The following STX6 variants were observed in gnomAD, a reference collection of about 807,000 sequenced individuals.
The protein encoded by STX6 is syntaxin 6, also known as syntaxin-6.
Under a neutral mutation model 38.0 loss-of-function variants are expected in STX6, and 23 were observed. The ratio of observed to expected loss-of-function variants is 0.60; its 90% CI spans 0.43 to 0.86. The LOEUF is 0.86. Among genes scored for constraint, STX6 ranks in the 40% least tolerant of loss-of-function variants. The pLI is 0.00. For missense variants in STX6, 274 were observed against 312.9 expected (o/e 0.88, Z 0.94); for synonymous variants, 123 against 107.5 (o/e 1.14, Z -0.89).
At chr1:181,007,888 TGTA>T (rs1479822454) in intron 1 of STX6, among the ~76,000 whole-genome samples, 2 of 152,236 alleles carry the variant, frequency 1.3e-5, no homozygotes, top group Non-Finnish European at 2.9e-5. Context: ...ACAAAAAAAA[TGTA>T]GTGAGAATGG....
intron 7 of STX6, 44 bp from the exon 8 acceptor site, chr1:180,976,690 A>G (rs765537354): frequency 1.3e-6 from 2 of 1,557,262 alleles, no homozygotes; most frequent in South Asian, 1.1e-5. Flanking sequence ...GGGACTCCAC[A>G]TTCCCCAAGA....
chr1:181,020,095 G>A, intron 1 of STX6, among the ~76,000 whole-genome samples: 1 of 152,016 alleles, frequency 6.6e-6, no homozygotes, highest in East Asian at 1.9e-4. Context: ...CACACCTATA[G>A]TCCCAGCTAC....
At chr1:181,007,061 G>C (rs1656244793) in intron 1 of STX6, among the ~76,000 whole-genome samples, 1 of 152,110 alleles carries the variant, frequency 6.6e-6, no homozygotes, top group African/African-American at 2.4e-5. Context: ...ATGGGATCTG[G>C]GTGATTTAGT....
At chr1:180,992,610 A>T (rs1370096385) in intron 4 of STX6, among the ~76,000 whole-genome samples, 1 of 152,234 alleles carries the variant, frequency 6.6e-6, no homozygotes, top group East Asian at 1.9e-4. Context: ...CAAAAAAATT[A>T]CCTAACAGTT....
intron 7 of STX6, among the ~76,000 whole-genome samples, chr1:180,983,793 G>A (rs1414445930): frequency 5.3e-5 from 8 of 152,064 alleles, no homozygotes; most frequent in Admixed American, 3.3e-4. Flanking sequence ...GGCTGGGCGC[G>A]GTGGCTCACG....
intron 1 of STX6, among the ~76,000 whole-genome samples, chr1:181,020,263 C>G (rs2102337445): frequency 6.6e-6 from 1 of 152,142 alleles, no homozygotes; most frequent in South Asian, 2.1e-4. Context: ...TCAATTATTT[C>G]TGATGAAAAT....
intron 7 of STX6, among the ~76,000 whole-genome samples, chr1:180,984,438 CAGG>C (rs1382463865): frequency 3.3e-5 from 5 of 152,018 alleles, no homozygotes; most frequent in African/African-American, 1.2e-4. Flanking sequence ...CCCAGCTACT[CAGG>C]AGGTCAAGGC....
intron 5 of STX6, chr1:180,989,119 G>T (rs566405454): frequency 6.6e-6 from 1 of 152,084 alleles, no homozygotes; most frequent in Admixed American, 6.6e-5. Flanking sequence ...ACATATCAAA[G>T]GCATCAACAG....
At chr1:181,020,214 C>G (rs78049483) in intron 1 of STX6, among the ~76,000 whole-genome samples, 1 of 136,982 alleles carries the variant, frequency 7.3e-6, no homozygotes, top group Admixed American at 7.3e-5. Context: ...GACTCTGTCT[C>G]AAAAAAAAAA....
intron 1 of STX6, 118 bp from the exon 2 acceptor site, chr1:181,005,581 CA>C: frequency 1.1e-6 from 1 of 914,052 alleles, no homozygotes. Flanking sequence ...ACCATTCCCA[CA>C]GAAGGCTCTT....
chr1:180,976,725 C>A lies in STX6; in HGVS notation c.692-79G>T, dbSNP rs567924951. The A allele has an allele frequency of 3.6e-6, 5 of 1,381,276 alleles. No individual in the cohort carries two copies. In the African/African-American group the frequency reaches 4.3e-5, roughly 12 times the overall value. The allele number at this position is 1,381,276 out of a possible 1,614,324, so 85.6% of individuals were successfully genotyped here. On this transcript the variant is annotated intron_variant, in intron 7 of 7. Coordinates refer to ENST00000258301, the MANE Select transcript of STX6 (RefSeq NM_005819.6). Reference sequence around the variant, plus strand: ...ATACAGTTATATGGAATTTATGGCACCCTTTGAAGCAGAAAAGGGGCAGAA... The same window carrying A: ...ATACAGTTATATGGAATTTATGGCAACCTTTGAAGCAGAAAAGGGGCAGAA...
At chr1:180,990,162 C>G in intron 4 of STX6, 53 bp from the exon 5 acceptor site, 3 of 1,606,932 alleles carry the variant, frequency 1.9e-6, no homozygotes, top group Non-Finnish European at 1.7e-6. Context: ...ATTACTATCT[C>G]TGAACAAGTG....
At position 180,990,075 on chromosome 1, in the gene STX6, C is replaced by T; in HGVS notation, c.398G>A (p.Ser133Asn). Residue 133 changes from serine to asparagine, a missense_variant, in exon 5 of 8, where the codon AGC becomes AAC. Transcript: ENST00000258301. ...LLGDSGSQNW[S>N]TGTTDKYGRL... ...CCCATATTTATCTGTTGTTCCAGTG[C>T]TCCAGTTCTGGCTGCCACTGTCTCC... is the stretch of plus-strand genomic sequence containing the variant. 6.2e-7 allele frequency: 1 copy of T among 1,614,176 alleles called. No individual in the cohort carries two copies. The highest frequency in any genetic ancestry group is 2.2e-5 in the East Asian group (1 of 44,882).
chr1:181,011,080 T>A (rs1358929981), intron 1 of STX6, among the ~76,000 whole-genome samples: 4 of 152,196 alleles, frequency 2.6e-5, no homozygotes, highest in Non-Finnish European at 5.9e-5. Context: ...AGAATAAAGC[T>A]CAGCACCCTA....
chr1:181,002,690 T>C lies in STX6; in HGVS notation c.216A>G (p.Glu72=), dbSNP rs1235196433. Residue 72 remains glutamate (E), a synonymous_variant, in exon 3 of 8, where the codon GAA becomes GAG. Transcript: ENST00000258301. ...CAAGGTTAAATTTTCTAGGATTTGC[T>C]TCAACTATGCGTAGGTCAAAAAGTC... The part of the protein sequence containing the change: ...EDLDETISIV[E]ANPRKFNLDA... 2 of 1,612,800 alleles carry C rather than the reference T, an allele frequency of 1.2e-6. No individual in the cohort carries two copies.
intron 1 of STX6, among the ~76,000 whole-genome samples, chr1:181,008,926 G>C (rs536358300): frequency 1.3e-5 from 2 of 151,962 alleles, no homozygotes; most frequent in Admixed American, 6.6e-5. Context: ...CAGTAAAAAT[G>C]AGATTTTGCT....
At chr1:180,976,691 T>G (rs1655266676) in intron 7 of STX6, 45 bp from the exon 8 acceptor site, 1 of 1,553,686 alleles carries the variant, frequency 6.4e-7, no homozygotes, top group African/African-American at 1.4e-5. Context: ...GGACTCCACA[T>G]TCCCCAAGAT....
At chr1:180,987,203 G>C (rs890004133) in intron 6 of STX6, among the ~76,000 whole-genome samples, 1 of 151,686 alleles carries the variant, frequency 6.6e-6, no homozygotes, top group Admixed American at 6.6e-5. Context: ...CTTCCTCCTG[G>C]TCTACACACC....
chr1:180,997,460 CTAAA>C (rs1261032850), intron 3 of STX6, among the ~76,000 whole-genome samples: 3 of 152,256 alleles, frequency 2.0e-5, no homozygotes, highest in Non-Finnish European at 1.5e-5. Flanking sequence ...TCTGTAAACT[CTAAA>C]TACAGATCAA....
Sources: gnomAD v4.1 joint callset for allele counts (sites outside exome capture counted in the v4.1 genomes callset) on GRCh38, gnomAD v4.1.1 for gene constraint, MANE v1.5 for transcripts, NCBI Gene and HGNC (gene_info 2026-07-23, HGNC 2026-07-21) for gene names.